The following POLA1 variants were observed in gnomAD, a reference collection of about 807,000 sequenced individuals.
POLA1 encodes the protein DNA polymerase alpha catalytic subunit.
Under a neutral mutation model 124.0 loss-of-function variants are expected in POLA1, and 15 were observed. The ratio of observed to expected loss-of-function variants is 0.12; its 90% CI spans 0.08 to 0.19. The LOEUF (loss-of-function observed/expected upper bound fraction) is 0.19. POLA1 is among the 10% of genes least tolerant of loss of function. The pLI, the probability that POLA1 is intolerant of heterozygous loss-of-function variation, is 1.00. For synonymous variants in POLA1, 408 were observed against 389.4 expected, an observed-to-expected ratio of 1.05 and a Z score of -0.56; for missense variants, 886 against 1,103.4, an observed-to-expected ratio of 0.80 and a Z score of 2.79.
At chrX:24,698,629 T>G (rs1226796166) in intron 1 of POLA1, among the ~76,000 whole-genome samples, 1 of 111,651 alleles carries the variant, frequency 9.0e-6, no homozygotes, top group African/African-American at 3.3e-5. Context: ...TTTTTTATCT[T>G]TTTTTGTTGT....
chrX:24,785,234 T>G (rs2045339993), intron 26 of POLA1, among the ~76,000 whole-genome samples: 1 of 112,197 alleles, frequency 8.9e-6, no homozygotes, highest in Non-Finnish European at 1.9e-5. Flanking sequence ...TTGCCATGAG[T>G]GATTCAGGGA....
rs1200176002 is a variant in POLA1 at position 24,975,213 on chromosome X, T to C, written c.4262-20592T>C. 6.2e-5 allele frequency among the ~76,000 whole-genome samples: 7 copies of C among 112,151 alleles called. No homozygotes were observed. The East Asian group carries it at 2.0e-3, about 31-fold the overall frequency. On this transcript the variant is annotated intron_variant, in intron 36 of 36. Coordinates refer to ENST00000379068, the MANE Select transcript of POLA1 (RefSeq NM_001330360.2). ...TTTTAGTAGAGATGGGTTTTCACCA[T>C]ATTGGCCAGGCTGGTCTTGAACTCC...
intron 24 of POLA1, among the ~76,000 whole-genome samples, chrX:24,746,404 T>A (rs758524997): frequency 8.9e-6 from 1 of 112,232 alleles, no homozygotes; most frequent in African/African-American, 3.2e-5. Context: ...ATAATTAATA[T>A]TATTTAGCCT....
At chrX:24,924,289 G>C (rs2047660511) in intron 35 of POLA1, among the ~76,000 whole-genome samples, 1 of 111,720 alleles carries the variant, frequency 9.0e-6, no homozygotes, top group South Asian at 3.8e-4. Flanking sequence ...AGACACGTTA[G>C]TCTTGTTTTA....
chrX:24,935,256 T>TG (rs757640315), intron 36 of POLA1, among the ~76,000 whole-genome samples: 1 of 112,345 alleles, frequency 8.9e-6, no homozygotes, highest in Non-Finnish European at 1.9e-5. Flanking sequence ...GTATGAATTT[T>TG]GGGGGGGCAC....
intron 35 of POLA1, among the ~76,000 whole-genome samples, chrX:24,911,794 G>T (rs2047452374): frequency 9.0e-6 from 1 of 111,639 alleles, no homozygotes; most frequent in South Asian, 3.7e-4. Flanking sequence ...AATAATAAGG[G>T]AATACTCCAC....
intron 35 of POLA1, among the ~76,000 whole-genome samples, chrX:24,890,664 G>A (rs1448197192): frequency 8.9e-6 from 1 of 112,068 alleles, no homozygotes; most frequent in Non-Finnish European, 1.9e-5. Context: ...TTTTACCATA[G>A]CCTTTCTAAC....
chrX:24,806,077 T>G (rs2045794792), intron 26 of POLA1, among the ~76,000 whole-genome samples: 1 of 50,433 alleles, frequency 2.0e-5, no homozygotes, highest in Non-Finnish European at 3.4e-5. Flanking sequence ...TTTTTTTTTT[T>G]TTTTTTTTTT....
At chrX:24,940,640 T>C (rs1393623468) in intron 36 of POLA1, among the ~76,000 whole-genome samples, 1 of 112,264 alleles carries the variant, frequency 8.9e-6, no homozygotes. Flanking sequence ...TGCTTCTCAC[T>C]AGAAATGTAT....
chrX:24,780,462 T>C (rs2045238337), intron 26 of POLA1, among the ~76,000 whole-genome samples: 1 of 112,795 alleles, frequency 8.9e-6, no homozygotes, highest in Non-Finnish European at 1.9e-5. Context: ...ATTGAGGAAA[T>C]ACCTTTTTGT....
chrX:24,815,362 A>G (rs1052401768), intron 30 of POLA1, among the ~76,000 whole-genome samples: 2 of 110,331 alleles, frequency 1.8e-5, no homozygotes, highest in Admixed American at 9.6e-5. Flanking sequence ...CAGAGGTCCT[A>G]TGGAGTGATA....
intron 35 of POLA1, among the ~76,000 whole-genome samples, chrX:24,929,851 G>A (rs1403333344): frequency 1.8e-5 from 2 of 111,640 alleles, no homozygotes; most frequent in African/African-American, 3.3e-5. Context: ...GTCATTAAAC[G>A]AGTGTTTTGA....
At chrX:24,972,404 C>G (rs1223485419) in intron 36 of POLA1, among the ~76,000 whole-genome samples, 15 of 112,204 alleles carry the variant, frequency 1.3e-4, no homozygotes, top group Non-Finnish European at 3.8e-5. Flanking sequence ...ATCCTGCTCT[C>G]TCACCTCTTT....
At chrX:24,995,696 T>G (rs982332364) in intron 36 of POLA1, 109 bp from the exon 37 acceptor site, 1 of 682,402 alleles carries the variant, frequency 1.5e-6, no homozygotes, top group Admixed American at 2.8e-5. Flanking sequence ...AGACCAGAGA[T>G]AAGATGGTGG....
chrX:24,786,337 A>G (rs997664621), intron 26 of POLA1, among the ~76,000 whole-genome samples: 2 of 111,697 alleles, frequency 1.8e-5, no homozygotes, highest in Non-Finnish European at 3.8e-5. Flanking sequence ...CATTTGTTGT[A>G]TATAGCTAGC....
At chrX:24,948,813 T>G (rs2047998596) in intron 36 of POLA1, among the ~76,000 whole-genome samples, 1 of 112,055 alleles carries the variant, frequency 8.9e-6, no homozygotes, top group East Asian at 2.8e-4. Context: ...CATTTCTAAC[T>G]CATTCATCAG....
At chrX:24,971,418 G>C (rs1223551905) in intron 36 of POLA1, among the ~76,000 whole-genome samples, 3 of 112,773 alleles carry the variant, frequency 2.7e-5, no homozygotes, top group African/African-American at 9.7e-5. Context: ...CTCTTTTGAT[G>C]AGCAGTTGTA....
rs1229100831 is a variant in POLA1, at chrX:24,996,534, A to C, written c.*584A>C. 1 of 112,810 alleles carries C rather than the reference A, an allele frequency of 8.9e-6. No homozygotes were observed. The highest frequency in any genetic ancestry group is 3.2e-5 in the African/African-American group (1 of 30,932). The allele number at this position is 112,810 out of a possible 1,213,427, so 9.3% of individuals were successfully genotyped here. A position where few individuals can be genotyped will look rare whatever the true frequency, so the allele number is the denominator to read the frequency against. On this transcript the variant is annotated 3_prime_UTR_variant, in exon 37 of 37. Coordinates refer to ENST00000379068, the MANE Select transcript of POLA1 (RefSeq NM_001330360.2). ...TTAAACAGAGCAGGCTTGTTTGTTG[A>C]ATTGCTCCAAAGTCCAACAGACACA...
rs988733770 is a variant in POLA1, at chrX:24,950,135, A to T, written c.4261+19586A>T. ...TACATATTCATTTTACCAATGAGAAAAGCAAGTTTTGGTGGACACCATTAA... is the reference window on the plus strand; with the variant it reads ...TACATATTCATTTTACCAATGAGAATAGCAAGTTTTGGTGGACACCATTAA... On this transcript the variant is annotated intron_variant, in intron 36 of 36. Transcript: ENST00000379068. 4.5e-5 allele frequency among the ~76,000 whole-genome samples: 5 copies of T among 112,274 alleles called. No homozygotes were observed. In the Admixed American group the frequency reaches 4.7e-4, roughly 11 times the overall value.
Sources: allele counts gnomAD v4.1 joint callset (sites outside exome capture counted in the v4.1 genomes callset), GRCh38; gene constraint gnomAD v4.1.1; transcripts MANE v1.5; gene names NCBI Gene and HGNC (gene_info 2026-07-23, HGNC 2026-07-21).